EIF4G3: variants seen among roughly 807,000 people sequenced by gnomAD.
EIF4G3 encodes eukaryotic translation initiation factor 4 gamma 3.
A neutral mutation model predicts 186.4 loss-of-function variants in EIF4G3; 34 were observed. The observed-to-expected ratio is 0.18, with a 90% CI of 0.14 to 0.24. EIF4G3 has a LOEUF of 0.24. EIF4G3 is among the 10% of genes least tolerant of loss of function. EIF4G3 has a pLI of 1.00. For missense variants in EIF4G3, 1,536 were observed against 1,948.5 expected (o/e 0.79, Z 3.99); for synonymous variants, 673 against 679.5 (o/e 0.99, Z 0.15).
chr1:20,977,754 T>C (rs954266411), intron 10 of EIF4G3, among the ~76,000 whole-genome samples: 3 of 152,180 alleles, frequency 2.0e-5, no homozygotes, highest in African/African-American at 7.2e-5. Flanking sequence ...ATATATCTAA[T>C]AGAAATAAAG....
chr1:21,073,529 A>T (rs1398815032), intron 3 of EIF4G3: 1 of 360,786 alleles, frequency 2.8e-6, no homozygotes, highest in Non-Finnish European at 5.6e-6. Context: ...ATCCATGAAC[A>T]GCTGAATACA....
chr1:20,883,254 T>A (rs1284500722), intron 19 of EIF4G3, among the ~76,000 whole-genome samples: 1 of 152,138 alleles, frequency 6.6e-6, no homozygotes, highest in Non-Finnish European at 1.5e-5. Flanking sequence ...TAGGGTTGAT[T>A]AGAGACCAGA....
In EIF4G3 at chr1:21,017,130, C is replaced by T. The variant is rs565408907; in HGVS notation, c.-66-14322G>A. Among the ~76,000 whole-genome samples, 18 of 152,210 alleles carry T rather than the reference C, an allele frequency of 1.2e-4. No homozygotes were observed. In the East Asian group the frequency reaches 3.3e-3, roughly 28 times the overall value. On this transcript the variant is annotated intron_variant, in intron 4 of 36. Transcript: ENST00000602326. ...ATACATACAAAAAAATATTATTCAT[C>T]CTTTAAAAAGAAGCGAGTTCTCACA...
intron 7 of EIF4G3, among the ~76,000 whole-genome samples, chr1:20,992,707 T>A (rs933140795): frequency 6.6e-6 from 1 of 152,218 alleles, no homozygotes; most frequent in African/African-American, 2.4e-5. Flanking sequence ...ATGAACACTT[T>A]AAAATACTAT....
At chr1:21,025,404 G>A (rs2091918521) in intron 4 of EIF4G3, among the ~76,000 whole-genome samples, 1 of 152,002 alleles carries the variant, frequency 6.6e-6, no homozygotes, top group South Asian at 2.1e-4. Context: ...GACAGCCCAG[G>A]TACATAGTGA....
In EIF4G3 at chr1:21,142,401, G is replaced by A. The variant is rs144672078; in HGVS notation, c.-272+33774C>T. On this transcript the variant is annotated intron_variant, in intron 2 of 36. Coordinates refer to ENST00000602326, the MANE Select transcript of EIF4G3 (RefSeq NM_001391906.1). ...ATGTGCCTGCAGTCCCAGCTACTCA[G>A]GAGGCTGAGGTAGGAGGATCGCTTG... 5.1e-3 allele frequency among the ~76,000 whole-genome samples: 777 copies of A among 152,148 alleles called. 9 individuals are homozygous for A. Among genetic ancestry groups the A allele is most frequent in the African/African-American group, 0.018 (754 of 41,502 alleles).
chr1:21,096,671 T>C (rs1241555619), intron 2 of EIF4G3, among the ~76,000 whole-genome samples: 2 of 152,168 alleles, frequency 1.3e-5, no homozygotes, highest in Non-Finnish European at 2.9e-5. Context: ...TAGATGGGGA[T>C]AATAATAGGT....
At chr1:21,027,507 G>T (rs1049417425) in intron 4 of EIF4G3, among the ~76,000 whole-genome samples, 1 of 151,888 alleles carries the variant, frequency 6.6e-6, no homozygotes, top group Non-Finnish European at 1.5e-5. Context: ...GCACGGGCCT[G>T]TAGTCCCAGA....
chr1:20,811,191 C>A (rs905447552), intron 35 of EIF4G3, among the ~76,000 whole-genome samples: 1 of 152,054 alleles, frequency 6.6e-6, no homozygotes, highest in Non-Finnish European at 1.5e-5. Flanking sequence ...TGACCTCAGG[C>A]GATCCACCCG....
At chr1:21,032,462 T>C (rs1557624833) in intron 4 of EIF4G3, among the ~76,000 whole-genome samples, 1 of 152,174 alleles carries the variant, frequency 6.6e-6, no homozygotes, top group Non-Finnish European at 1.5e-5. Flanking sequence ...CAAATATTAA[T>C]AGATAGTGCA....
At chr1:20,996,756 T>C (rs1389748303) in intron 7 of EIF4G3, among the ~76,000 whole-genome samples, 2 of 152,142 alleles carry the variant, frequency 1.3e-5, no homozygotes, top group Admixed American at 6.6e-5. Context: ...CCATTTTACA[T>C]ATGAGGAAAC....
rs968725801 is a variant in EIF4G3, at chr1:20,831,497, A to G, written c.4062-2225T>C. Among the ~76,000 whole-genome samples, 10 of 151,768 alleles carry G rather than the reference A, an allele frequency of 6.6e-5. No homozygotes were observed. In the South Asian group the frequency reaches 1.9e-3, roughly 28 times the overall value. On this transcript the variant is annotated intron_variant, in intron 30 of 36. Coordinates refer to ENST00000602326, the MANE Select transcript of EIF4G3 (RefSeq NM_001391906.1). ...CTCCCTCCTGCCCATAAGCCAGGGA[A>G]CAGCTTCTGCCAACCTGATCGATTC...
intron 14 of EIF4G3, among the ~76,000 whole-genome samples, chr1:20,924,412 A>C (rs2094714802): frequency 6.6e-6 from 1 of 152,210 alleles, no homozygotes; most frequent in Admixed American, 6.5e-5. Flanking sequence ...CCGCATTTAT[A>C]TTACTGAAGA....
intron 3 of EIF4G3, chr1:21,064,470 CA>C (rs2154579364): frequency 6.6e-6 from 1 of 152,264 alleles, no homozygotes; most frequent in African/African-American, 2.4e-5. Context: ...TTTAGAATAT[CA>C]ACTCATGAAG....
At chr1:21,161,930 T>C (rs2097774512) in intron 2 of EIF4G3, 1 of 150,062 alleles carries the variant, frequency 6.7e-6, no homozygotes, top group African/African-American at 2.5e-5. Flanking sequence ...ATCGCACCAT[T>C]GCACTGCAGC....
At chr1:20,904,494 C>T (rs953982736) in intron 15 of EIF4G3, among the ~76,000 whole-genome samples, 3 of 152,050 alleles carry the variant, frequency 2.0e-5, no homozygotes, top group Non-Finnish European at 2.9e-5. Flanking sequence ...CACAGGTATG[C>T]GCCACCATGT....
At chr1:20,815,420 C>A in intron 34 of EIF4G3, among the ~76,000 whole-genome samples, 1 of 146,882 alleles carries the variant, frequency 6.8e-6, no homozygotes, top group Non-Finnish European at 1.5e-5. Flanking sequence ...GTGGGGAGCG[C>A]CTCTGCCCCG....
chr1:21,142,882 T>C (rs1326056201), intron 2 of EIF4G3, among the ~76,000 whole-genome samples: 1 of 152,188 alleles, frequency 6.6e-6, no homozygotes, highest in African/African-American at 2.4e-5. Context: ...TAAGTAATTC[T>C]AGTCATTTCC....
intron 29 of EIF4G3, among the ~76,000 whole-genome samples, chr1:20,842,741 G>C (rs773796499): frequency 9.2e-5 from 14 of 152,038 alleles, no homozygotes; most frequent in Non-Finnish European, 1.8e-4. Context: ...CTCACAGACA[G>C]TCTTAGTTTG....
Sources: allele counts gnomAD v4.1 joint callset (sites outside exome capture counted in the v4.1 genomes callset), GRCh38; gene constraint gnomAD v4.1.1; transcripts MANE v1.5; gene names NCBI Gene and HGNC (gene_info 2026-07-23, HGNC 2026-07-21).